The following GABPB1 variants were observed in gnomAD, a reference collection of about 807,000 sequenced individuals.
GABPB1 encodes GA binding protein transcription factor subunit beta 1, also known as GA-binding protein subunit beta-1.
A neutral mutation model predicts 45.9 loss-of-function variants in GABPB1; 15 were observed. The ratio of observed to expected loss-of-function variants is 0.33; its 90% confidence interval spans 0.22 to 0.50. The LOEUF (loss-of-function observed/expected upper bound fraction) is 0.50. Among genes scored for constraint, GABPB1 ranks in the 20% least tolerant of loss-of-function variants. The pLI is 0.98. For missense variants in GABPB1, 252 were observed against 457.5 expected (o/e 0.55, Z 4.10); for synonymous variants, 143 against 154.4 (o/e 0.93, Z 0.55).
At chr15:50,295,663 A>G (rs1365023941) in intron 6 of GABPB1, among the ~76,000 whole-genome samples, 1 of 152,068 alleles carries the variant, frequency 6.6e-6, no homozygotes, top group African/African-American at 2.4e-5. Context: ...TCATTTTGGA[A>G]TGACTTTCAA....
chr15:50,309,154 T>A (rs182685851), intron 2 of GABPB1, among the ~76,000 whole-genome samples: 214 of 152,266 alleles, frequency 1.4e-3, no homozygotes, highest in Non-Finnish European at 2.7e-3. Context: ...AAGACAATAC[T>A]TTTTTATTTG....
intron 1 of GABPB1, chr15:50,349,533 G>A (rs2048743729): frequency 1.3e-5 from 2 of 152,150 alleles, no homozygotes. Flanking sequence ...ATGACTAACT[G>A]GGATGACACT....
At chr15:50,313,006 T>A (rs1477037040) in intron 1 of GABPB1, among the ~76,000 whole-genome samples, 4 of 152,176 alleles carry the variant, frequency 2.6e-5, no homozygotes, top group African/African-American at 9.6e-5. Flanking sequence ...CACATAGTAT[T>A]TTCTATGGGT....
At chr15:50,308,524 C>G (rs530891443) in intron 2 of GABPB1, among the ~76,000 whole-genome samples, 1 of 152,290 alleles carries the variant, frequency 6.6e-6, no homozygotes, top group Non-Finnish European at 1.5e-5. Context: ...TGCTTTATCC[C>G]TACACTGAAG....
At chr15:50,307,794 G>C (rs1420791436) in intron 2 of GABPB1, among the ~76,000 whole-genome samples, 1 of 152,146 alleles carries the variant, frequency 6.6e-6, no homozygotes, top group Admixed American at 6.5e-5. Context: ...GATCCTGCTG[G>C]AGATTTGTTA....
At chr15:50,308,674 T>C (rs150967572) in intron 2 of GABPB1, among the ~76,000 whole-genome samples, 2 of 152,362 alleles carry the variant, frequency 1.3e-5, no homozygotes, top group Non-Finnish European at 2.9e-5. Context: ...GTTCACCTAA[T>C]GTTCTTTAGG....
intron 1 of GABPB1, among the ~76,000 whole-genome samples, chr15:50,322,952 C>CT (rs1448119461): frequency 6.6e-6 from 1 of 152,122 alleles, no homozygotes; most frequent in Non-Finnish European, 1.5e-5. Flanking sequence ...TAACCTGAGC[C>CT]TAGGAAGTCA....
At chr15:50,328,238 TAAA>T (rs930410845) in intron 1 of GABPB1, among the ~76,000 whole-genome samples, 1 of 143,002 alleles carries the variant, frequency 7.0e-6, no homozygotes, top group African/African-American at 2.5e-5. Context: ...TATTCCTTTC[TAAA>T]AAAAAAAAAA....
intron 1 of GABPB1, among the ~76,000 whole-genome samples, chr15:50,319,926 A>G (rs1294292251): frequency 1.3e-5 from 2 of 152,224 alleles, no homozygotes; most frequent in Non-Finnish European, 2.9e-5. Context: ...TCATCTCAAC[A>G]CATCCTTGTG....
At chr15:50,286,895 A>G (rs2046179110) in intron 7 of GABPB1, among the ~76,000 whole-genome samples, 1 of 152,224 alleles carries the variant, frequency 6.6e-6, no homozygotes, top group Non-Finnish European at 1.5e-5. Context: ...AAACCATGCG[A>G]AGCCATTTTA....
chr15:50,300,981 C>A, intron 5 of GABPB1, 79 bp from the exon 6 acceptor site: 1 of 946,656 alleles, frequency 1.1e-6, no homozygotes, highest in Non-Finnish European at 1.6e-6. Context: ...ATTTATCTTA[C>A]TGACTCTTAA....
intron 1 of GABPB1, among the ~76,000 whole-genome samples, chr15:50,322,180 T>C (rs1229107420): frequency 6.7e-6 from 1 of 149,680 alleles, no homozygotes; most frequent in African/African-American, 2.6e-5. Flanking sequence ...CAAAATCAGC[T>C]CAGGACCACC....
At chr15:50,289,693 A>C in intron 6 of GABPB1, 25 bp from the exon 7 acceptor site, 1 of 1,562,094 alleles carries the variant, frequency 6.4e-7, no homozygotes. Context: ...AAGAAAACTC[A>C]GCAAACATAT....
At chr15:50,312,145 G>A (rs1326411203) in intron 1 of GABPB1, among the ~76,000 whole-genome samples, 1 of 151,796 alleles carries the variant, frequency 6.6e-6, no homozygotes, top group African/African-American at 2.4e-5. Context: ...AGGTGTTCGA[G>A]ACCAGCCCGG....
intron 1 of GABPB1, 72 bp downstream of exon 1, chr15:50,354,913 T>C: frequency 4.6e-6 from 1 of 216,210 alleles, no homozygotes; most frequent in Non-Finnish European, 9.3e-6. Flanking sequence ...GGAAGTGGAA[T>C]TATTTTTTAC....
At chr15:50,281,547 T>C (rs191506581) in intron 8 of GABPB1, among the ~76,000 whole-genome samples, 47 of 152,316 alleles carry the variant, frequency 3.1e-4, no homozygotes, top group African/African-American at 1.1e-3. Context: ...GGGCAGGATA[T>C]GTGAGCTATT....
In GABPB1 at chr15:50,282,560, G is replaced by GAAAAAAAAAAAAAAAAAAAAAAA. The variant is rs552203074; in HGVS notation, c.999+3507_999+3508insTTTTTTTTTTTTTTTTTTTTTTT. 1.0e-3 allele frequency among the ~76,000 whole-genome samples: 90 copies of GAAAAAAAAAAAAAAAAAAAAAAA among 89,004 alleles called. 12 individuals carry two copies. Among genetic ancestry groups the GAAAAAAAAAAAAAAAAAAAAAAA allele is most frequent in the South Asian group, 1.7e-3 (4 of 2,296 alleles). The allele number at this position is 89,004 out of a possible 152,430, so 58.4% of individuals were successfully genotyped here. ...CAAAGTGAGACCCTGCCTTAAAAAA[G>GAAAAAAAAAAAAAAAAAAAAAAA]AAAAAAAAAAAAAAACAGAGACGGA... is the stretch of plus-strand genomic sequence containing the variant. On this transcript the variant is annotated intron_variant, in intron 8 of 8. Transcript: ENST00000380877.
At chr15:50,298,724 A>G (rs1410701394) in intron 6 of GABPB1, among the ~76,000 whole-genome samples, 1 of 152,184 alleles carries the variant, frequency 6.6e-6, no homozygotes, top group African/African-American at 2.4e-5. Context: ...AGGCCGAGGA[A>G]GGCAGATCAC....
At chr15:50,349,915 A>T (rs954810596) in intron 1 of GABPB1, 8 of 152,256 alleles carry the variant, frequency 5.3e-5, no homozygotes, top group African/African-American at 1.7e-4. Flanking sequence ...ACTCAGAAAT[A>T]ACCATTTAAC....
Sources: allele counts gnomAD v4.1 joint callset (sites outside exome capture counted in the v4.1 genomes callset), GRCh38; gene constraint gnomAD v4.1.1; transcripts MANE v1.5; gene names NCBI Gene and HGNC (gene_info 2026-07-23, HGNC 2026-07-21).